Variants in PPFIBP1 observed in about 807,000 individuals in gnomAD.
PPFIBP1 encodes the protein PPFIB scaffold protein 1, also known as liprin-beta-1.
A neutral mutation model predicts 137.8 loss-of-function variants in PPFIBP1; 112 were observed. The observed-to-expected ratio is 0.81, with a 90% CI of 0.70 to 0.95. The LOEUF is 0.95. Among genes scored for constraint, PPFIBP1 ranks in the 40% least tolerant of loss-of-function variants. The pLI, the probability that PPFIBP1 is intolerant of heterozygous loss-of-function variation, is 0.00. For synonymous variants in PPFIBP1, 378 were observed against 417.3 expected (o/e 0.91, Z 1.15); for missense variants, 1,083 against 1,196.6 (o/e 0.91, Z 1.40).
At position 27,604,932 on chromosome 12, in the gene PPFIBP1, G is replaced by A. The variant is rs61915342; in HGVS notation, c.-36+26693G>A. ...GGCGGGAAGCAAAGAGAGAGCTTGT[G>A]CAGGGAAACTCCCATTTTTAAAACC... On this transcript the variant is annotated intron_variant, in intron 2 of 29. Transcript: ENST00000228425. Among the ~76,000 whole-genome samples the A allele has an allele frequency of 2.5e-3, 376 of 152,288 alleles. 1 individual carries two copies. The highest frequency in any genetic ancestry group is 4.5e-3 in the Non-Finnish European group (303 of 68,026).
intron 2 of PPFIBP1, among the ~76,000 whole-genome samples, chr12:27,628,810 T>A (rs1031583276): frequency 7.2e-5 from 11 of 152,154 alleles, no homozygotes; most frequent in Non-Finnish European, 1.6e-4. Context: ...TGGAAAGTGA[T>A]CCTAGGAAAG....
At chr12:27,579,590 ATT>A (rs1382922313) in intron 2 of PPFIBP1, among the ~76,000 whole-genome samples, 1 of 152,066 alleles carries the variant, frequency 6.6e-6, no homozygotes, top group Non-Finnish European at 1.5e-5. Flanking sequence ...TATGTACAAT[ATT>A]TTTTGCATTC....
chr12:27,551,879 G>A (rs1946817766), intron 1 of PPFIBP1, among the ~76,000 whole-genome samples: 1 of 152,206 alleles, frequency 6.6e-6, no homozygotes, highest in Non-Finnish European at 1.5e-5. Flanking sequence ...AATTTTGACA[G>A]ACTGTGGTTC....
In PPFIBP1 at chr12:27,654,794, A is replaced by G; in HGVS notation, c.676A>G (p.Lys226Glu). 1 of 1,612,498 alleles carries G rather than the reference A, an allele frequency of 6.2e-7. No individual in the cohort carries two copies. Among genetic ancestry groups the G allele is most frequent in the East Asian group, 2.2e-5 (1 of 44,746 alleles). ...EMDSERLQYE[K>E]KLKSTKDELA... ...GGACAGTGAGAGACTTCAGTATGAA[A>G]AAAAGCTTAAATCAACCAAAGTAAG... The change falls in exon 8 of 30, where the codon AAA (lysine) becomes GAA (glutamate). Residue 226 changes from lysine (K) to glutamate (E), a missense_variant. Coordinates refer to ENST00000228425, the MANE Select transcript of PPFIBP1 (RefSeq NM_003622.4).
At chr12:27,691,956 C>G in intron 28 of PPFIBP1, 28 bp downstream of exon 28, 1 of 1,545,874 alleles carries the variant, frequency 6.5e-7, no homozygotes, top group East Asian at 2.3e-5. Flanking sequence ...TAACTTTTTG[C>G]GAGTTCTTCC....
chr12:27,557,390 C>A (rs1315606259), intron 1 of PPFIBP1, among the ~76,000 whole-genome samples: 1 of 152,024 alleles, frequency 6.6e-6, no homozygotes, highest in Non-Finnish European at 1.5e-5. Flanking sequence ...TGCCCGCCAC[C>A]ACGCCTGGCT....
At chr12:27,544,379 A>G (rs1302472621) in intron 1 of PPFIBP1, among the ~76,000 whole-genome samples, 4 of 152,260 alleles carry the variant, frequency 2.6e-5, no homozygotes, top group Non-Finnish European at 5.9e-5. Context: ...ACAAAAGCCA[A>G]AATTGACAAA....
intron 1 of PPFIBP1, among the ~76,000 whole-genome samples, chr12:27,557,376 C>A (rs2048785852): frequency 1.3e-5 from 2 of 151,938 alleles, no homozygotes; most frequent in Admixed American, 1.3e-4. Context: ...GCTGGGACTA[C>A]AGGTGCCCGC....
chr12:27,615,951 A>G (rs963729533), intron 2 of PPFIBP1, among the ~76,000 whole-genome samples: 1 of 152,212 alleles, frequency 6.6e-6, no homozygotes, highest in Admixed American at 6.5e-5. Context: ...GAAAGTGGCA[A>G]TTTGGGGGAG....
chr12:27,579,392 C>T (rs1180630860), intron 2 of PPFIBP1, among the ~76,000 whole-genome samples: 1 of 152,238 alleles, frequency 6.6e-6, no homozygotes, highest in African/African-American at 2.4e-5. Flanking sequence ...CACACCTCTT[C>T]AATCAGCACC....
chr12:27,678,541 A>G (rs553521926), intron 19 of PPFIBP1, among the ~76,000 whole-genome samples: 1 of 152,326 alleles, frequency 6.6e-6, no homozygotes, highest in African/African-American at 2.4e-5. Context: ...ATTAATTAAT[A>G]TTAACCAAAT....
intron 2 of PPFIBP1, among the ~76,000 whole-genome samples, chr12:27,580,533 A>G (rs1052187916): frequency 6.6e-6 from 1 of 152,170 alleles, no homozygotes; most frequent in Non-Finnish European, 1.5e-5. Context: ...GGGCACATAG[A>G]CCTAGCACTA....
intron 2 of PPFIBP1, among the ~76,000 whole-genome samples, chr12:27,614,594 T>G (rs1302030536): frequency 6.6e-6 from 1 of 152,144 alleles, no homozygotes; most frequent in Non-Finnish European, 1.5e-5. Flanking sequence ...AAGCTACTAA[T>G]GGGCCAGTTG....
chr12:27,683,015 TTGAA>T (rs1277520843), intron 24 of PPFIBP1, among the ~76,000 whole-genome samples: 1 of 152,244 alleles, frequency 6.6e-6, no homozygotes, highest in African/African-American at 2.4e-5. Flanking sequence ...AGTGTACACT[TTGAA>T]TGGGTACATT....
Position 27,692,629 on chromosome 12 carries a change from A to G in PPFIBP1, c.2904A>G (p.Ala968=). ...DSEGTVRQIG[A]FSEGINNLTH... The stretch of plus-strand genomic sequence containing the variant: ...AAGGGACAGTGAGACAGATAGGTGC[A>G]TTCTCTGAAGGCATCAACAATCTGA... Residue 968 remains alanine (A), a synonymous_variant, in exon 29 of 30, where the codon GCA becomes GCG. Coordinates refer to ENST00000228425, the MANE Select transcript of PPFIBP1 (RefSeq NM_003622.4). 4.3e-6 allele frequency: 7 copies of G among 1,614,128 alleles called. No homozygotes were observed. Among genetic ancestry groups the G allele is most frequent in the Non-Finnish European group, 5.9e-6 (7 of 1,179,984 alleles).
At chr12:27,645,321 T>C (rs1169877495) in intron 4 of PPFIBP1, among the ~76,000 whole-genome samples, 2 of 152,232 alleles carry the variant, frequency 1.3e-5, no homozygotes, top group East Asian at 3.8e-4. Flanking sequence ...TGAGCCTCTT[T>C]GTGTGTCTTT....
At chr12:27,678,945 A>T (rs1487362448) in intron 19 of PPFIBP1, among the ~76,000 whole-genome samples, 1 of 151,658 alleles carries the variant, frequency 6.6e-6, no homozygotes, top group East Asian at 1.9e-4. Flanking sequence ...AGATGTCCCG[A>T]CACACTGAAT....
At position 27,673,857 on chromosome 12, in the gene PPFIBP1, T is replaced by C. The variant is rs547201755; in HGVS notation, c.1380+30T>C. 13 of 1,564,836 alleles carry C rather than the reference T, an allele frequency of 8.3e-6. 1 individual carries two copies. The Admixed American group carries it at 2.2e-4, about 27-fold the overall frequency. ...GTTCTGTGTTTTTTGTTTTTTTTTG[T>C]CTGTTATCCTGAGAAAAAACTATTT... On this transcript the variant is annotated intron_variant, in intron 16 of 29. Coordinates refer to ENST00000228425, the MANE Select transcript of PPFIBP1 (RefSeq NM_003622.4).
At chr12:27,606,112 A>G (rs1464610850) in intron 2 of PPFIBP1, among the ~76,000 whole-genome samples, 2 of 152,226 alleles carry the variant, frequency 1.3e-5, no homozygotes, top group African/African-American at 2.4e-5. Context: ...AAGGATTTGC[A>G]TATGTTTGGC....
Sources: allele counts gnomAD v4.1 joint callset (sites outside exome capture counted in the v4.1 genomes callset), GRCh38; gene constraint gnomAD v4.1.1; transcripts MANE v1.5; gene names NCBI Gene and HGNC (gene_info 2026-07-23, HGNC 2026-07-21).